MYO15A: variants seen among roughly 807,000 people sequenced by gnomAD.
The protein encoded by MYO15A is myosin XVA.
A neutral mutation model predicts 394.6 loss-of-function variants in MYO15A; 308 were observed. The ratio of observed to expected loss-of-function variants is 0.78; its 90% CI spans 0.71 to 0.86. The LOEUF (loss-of-function observed/expected upper bound fraction) is 0.86. MYO15A is among the 40% of genes least tolerant of loss of function. The probability of loss-of-function intolerance (pLI) is 0.00; values close to 1 mark genes in which losing one functional copy is unlikely to be tolerated. For synonymous variants in MYO15A, 1,957 were observed against 2,003.8 expected (o/e 0.98, Z 0.62); for missense variants, 4,606 against 4,799.1 (o/e 0.96, Z 1.19).
In MYO15A at chr17:18,173,815, A is replaced by G. The variant is rs750328728; in HGVS notation, c.10385A>G (p.Gln3462Arg). The change falls in exon 65 of 66, where the codon CAG (glutamine) becomes CGG (arginine). Residue 3462 changes from glutamine (Q) to arginine (R), a missense_variant. Coordinates refer to ENST00000647165, the MANE Select transcript of MYO15A (RefSeq NM_016239.4). ...GTGAAGTTCCCCCTGAAGGAGATCC[A>G]GTCGACGCGGACCCAGCGGCCCACG... Reference protein sequence around the residue: ...LMVKFPLKEIQSTRTQRPTAN... With the variant: ...LMVKFPLKEIRSTRTQRPTAN... 1.9e-6 allele frequency: 3 copies of G among 1,613,906 alleles called. No homozygotes were observed. In the African/African-American group the frequency reaches 4.0e-5, roughly 22 times the overall value.
rs749332616 is a variant in MYO15A at position 18,145,878 on chromosome 17, C to T, written c.6280C>T (p.Arg2094Cys). 13 of 1,613,160 alleles carry T rather than the reference C, an allele frequency of 8.1e-6. No homozygotes were observed. The highest frequency in any genetic ancestry group is 1.3e-5 in the African/African-American group (1 of 75,026). Residue 2094 changes from arginine (R) to cysteine (C), a missense_variant, in exon 30 of 66, where the codon CGC (arginine) becomes TGC (cysteine). Transcript: ENST00000647165. ...GACTCTGTTCGTGGCCCAGATCCTG[C>T]GCTTCATGGGCGACCCCCACCTGCA... The part of the protein sequence containing the change: ...EAVSIFKLIL[R>C]FMGDPHLHGA...
chr17:18,148,946 C>T lies in MYO15A; in HGVS notation c.6950C>T (p.Pro2317Leu). The change falls in exon 33 of 66, where the codon CCC (proline) becomes CTC (leucine). Residue 2317 changes from proline (P) to leucine (L), a missense_variant. Coordinates refer to ENST00000647165, the MANE Select transcript of MYO15A (RefSeq NM_016239.4). This position sits in a 1 kb window ranked among gnomAD's most constrained non-coding sequence, Gnocchi z 4.8. ...TEGPAASRGG[P>L]KVVFGNSWDS... ...GGGCCTGCAGCCAGCAGGGGAGGCC[C>T]CAAAGTGTAGGTAGCTATGGGGGAC... is the stretch of plus-strand genomic sequence containing the variant. The T allele has an allele frequency of 6.3e-7, 1 of 1,595,542 alleles. No homozygotes were observed. Among genetic ancestry groups the T allele is most frequent in the Non-Finnish European group, 8.5e-7 (1 of 1,171,190 alleles).
intron 40 of MYO15A, 134 bp from the exon 41 acceptor site, chr17:18,151,712 G>C: frequency 8.6e-7 from 1 of 1,163,956 alleles, no homozygotes; most frequent in Non-Finnish European, 1.3e-6. Flanking sequence ...CTTCAGGCCA[G>C]TCTCTGCTTC....
intron 65 of MYO15A, 114 bp from the exon 66 acceptor site, chr17:18,178,655 C>A: frequency 2.0e-6 from 2 of 1,024,200 alleles, no homozygotes; most frequent in Non-Finnish European, 3.0e-6. Flanking sequence ...AGGGTCCCTG[C>A]ATGAATGATG....
At position 18,176,285 on chromosome 17, in the gene MYO15A, G is replaced by A. The variant is rs558220605; in HGVS notation, c.10491+2364G>A. Among the ~76,000 whole-genome samples, 47 of 152,246 alleles carry A rather than the reference G, an allele frequency of 3.1e-4. 1 individual carries two copies. Among genetic ancestry groups the A allele is most frequent in the Middle Eastern group, 6.8e-3 (2 of 294 alleles). ...TGGCACCAGCATCTGCTTGGCTTCT[G>A]TGGAGGCCTCACGAAGCTTTTACTC... On this transcript the variant is annotated intron_variant, in intron 65 of 65. Coordinates refer to ENST00000647165, the MANE Select transcript of MYO15A (RefSeq NM_016239.4).
chr17:18,131,350 G>T lies in MYO15A; in HGVS notation c.4142+8G>T. 1 of 1,613,984 alleles carries T rather than the reference G, an allele frequency of 6.2e-7. No homozygotes were observed. Among genetic ancestry groups the T allele is most frequent in the Non-Finnish European group, 8.5e-7 (1 of 1,179,884 alleles). ...GGAAATCTTTCTGGAAGGGTGAGTT[G>T]GGACAGTGGAGGGCCTCCCAAAAGC... On this transcript the variant is annotated splice_region_variant and intron_variant, in intron 9 of 65. Coordinates refer to ENST00000647165, the MANE Select transcript of MYO15A (RefSeq NM_016239.4).
Position 18,162,573 on chromosome 17 carries a change from C to T in MYO15A, c.9518-12C>T, listed in dbSNP as rs766762275. Reference sequence around the variant, plus strand: ...CCACCTTGGGCGAGGCCTGAACTCCCTGCTTCTGCAGGGATCGCCAAGGCC... The same window carrying T: ...CCACCTTGGGCGAGGCCTGAACTCCTTGCTTCTGCAGGGATCGCCAAGGCC... On this transcript the variant is annotated splice_polypyrimidine_tract_variant and intron_variant, in intron 57 of 65. Transcript: ENST00000647165. The T allele has an allele frequency of 3.7e-6, 6 of 1,613,278 alleles. No homozygotes were observed. The highest frequency in any genetic ancestry group is 5.1e-6 in the Non-Finnish European group (6 of 1,179,736).
chr17:18,162,491 A>G, intron 57 of MYO15A, 94 bp from the exon 58 acceptor site: 1 of 1,093,814 alleles, frequency 9.1e-7, no homozygotes, highest in East Asian at 2.5e-5. Flanking sequence ...GCTTGTGGAG[A>G]GAATGCAGTG....
At chr17:18,176,548 T>TC (rs1398603000) in intron 65 of MYO15A, 9 of 145,308 alleles carry the variant, frequency 6.2e-5, no homozygotes, top group African/African-American at 2.3e-4. Flanking sequence ...TTTCTTTTTT[T>TC]TTTTTTTTTT....
intron 62 of MYO15A, among the ~76,000 whole-genome samples, 197 bp from the exon 63 acceptor site, chr17:18,171,441 C>T (rs745816123): frequency 1.3e-4 from 20 of 152,226 alleles, no homozygotes; most frequent in Non-Finnish European, 2.2e-4. Flanking sequence ...CCTAGCAGTA[C>T]TGGCCCCGGC....
At position 18,137,750 on chromosome 17, in the gene MYO15A, G is replaced by T. The variant is rs370168666; in HGVS notation, c.4875+71G>T. ...GTGGACCTCCTTGGAGACAGATGAG[G>T]ATATACTGGTTGTTTAAGGGCAATT... is the stretch of plus-strand genomic sequence containing the variant. On this transcript the variant is annotated intron_variant, in intron 16 of 65. Coordinates refer to ENST00000647165, the MANE Select transcript of MYO15A (RefSeq NM_016239.4). 6 of 1,508,976 alleles carry T rather than the reference G, an allele frequency of 4.0e-6. No individual in the cohort carries two copies. The East Asian group carries it at 6.8e-5, about 17-fold the overall frequency. 93.5% of individuals were successfully genotyped at this position (1,508,976 alleles called of 1,614,324 possible). A position where few individuals can be genotyped will look rare whatever the true frequency, so the allele number is the denominator to read the frequency against.
rs888665281 is a variant in MYO15A, at chr17:18,119,565, G to A, written c.765G>A (p.Glu255=). The stretch of plus-strand genomic sequence containing the variant: ...ACCGGCAGTCACTCCACCGCTACGA[G>A]GAGCAGGAACCCTACCTGGCGGGCC... ...YYDRQSLHRY[E]EQEPYLAGLG... Residue 255 remains glutamate (E), a synonymous_variant, in exon 2 of 66, where the codon GAG becomes GAA. Transcript: ENST00000647165. The A allele has an allele frequency of 1.6e-5, 26 of 1,606,816 alleles. No individual in the cohort carries two copies. The highest frequency in any genetic ancestry group is 2.2e-5 in the Non-Finnish European group (26 of 1,179,952).
In MYO15A at chr17:18,133,266, C is replaced by T. The variant is rs1597781030; in HGVS notation, c.4362C>T (p.Asp1454=). The T allele has an allele frequency of 3.7e-6, 6 of 1,614,188 alleles. No individual in the cohort carries two copies. The highest frequency in any genetic ancestry group is 5.1e-6 in the Non-Finnish European group (6 of 1,180,030). ...TAGCAGGAAAGAGCGATGCAGATGA[C>T]TTTCGCCGGCTCCTGGCTGCCATGG... ...CEIAGKSDAD[D]FRRLLAAMEV... The change falls in exon 12 of 66, where the codon GAC becomes GAT. Residue 1454 remains aspartate (D), a synonymous_variant. Coordinates refer to ENST00000647165, the MANE Select transcript of MYO15A (RefSeq NM_016239.4).
chr17:18,144,412 G>A, intron 28 of MYO15A, 85 bp from the exon 29 acceptor site: 1 of 1,256,282 alleles, frequency 8.0e-7, no homozygotes, highest in Non-Finnish European at 1.2e-6. Flanking sequence ...CATAGGCCTT[G>A]GAGCCCCATG....
rs768464340 is a variant in MYO15A, at chr17:18,119,541, C to A, written c.741C>A (p.Asp247Glu). 3 of 1,608,800 alleles carry A rather than the reference C, an allele frequency of 1.9e-6. No homozygotes were observed. The African/African-American group carries it at 4.0e-5, about 21-fold the overall frequency. The change falls in exon 2 of 66, where the codon GAC (aspartate) becomes GAA (glutamate). Residue 247 changes from aspartate (D) to glutamate (E), a missense_variant. Coordinates refer to ENST00000647165, the MANE Select transcript of MYO15A (RefSeq NM_016239.4). The stretch of plus-strand genomic sequence containing the variant: ...ACCGCGACGGCGACGACTACTACGA[C>A]CGGCAGTCACTCCACCGCTACGAGG... Reference protein sequence around the residue: ...DYHRDGDDYYDRQSLHRYEEQ... With the variant: ...DYHRDGDDYYERQSLHRYEEQ...
intron 15 of MYO15A, 61 bp from the exon 16 acceptor site, chr17:18,137,522 TA>T: frequency 2.7e-6 from 4 of 1,503,834 alleles, no homozygotes; most frequent in African/African-American, 1.4e-5. Flanking sequence ...CCAGGGAAGG[TA>T]GGGGCAAACA....
In MYO15A at chr17:18,120,790, C is replaced by A. The variant is rs1252529896; in HGVS notation, c.1990C>A (p.Pro664Thr). ...CCACTGGAGCGCGCTCCTGTCTCCGCCCGTGCCCCCGCGGCCCCCAAGCTC... is the reference window on the plus strand; with the variant it reads ...CCACTGGAGCGCGCTCCTGTCTCCGACCGTGCCCCCGCGGCCCCCAAGCTC... ...LSHWSALLSPPVPPRPPSSGP... is the reference protein window; with the variant it reads ...LSHWSALLSPTVPPRPPSSGP... Residue 664 changes from proline to threonine, a missense_variant, in exon 2 of 66, where the codon CCC becomes ACC. By Grantham distance (38) the Pro-to-Thr change is conservative (BLOSUM62 -1). Transcript: ENST00000647165. The A allele has an allele frequency of 7.5e-7, 1 of 1,339,070 alleles. No individual in the cohort carries two copies. Among genetic ancestry groups the A allele is most frequent in the Admixed American group, 3.7e-5 (1 of 26,706 alleles). 82.9% of individuals were successfully genotyped at this position (1,339,070 alleles called of 1,614,324 possible).
In MYO15A at chr17:18,178,971, AGAGCC is replaced by A; in HGVS notation, c.*102_*106del. 2 of 1,180,110 alleles carry A rather than the reference AGAGCC, an allele frequency of 1.7e-6. No homozygotes were observed. The highest frequency in any genetic ancestry group is 2.4e-6 in the Non-Finnish European group (2 of 817,818). The allele number at this position is 1,180,110 out of a possible 1,614,324, so 73.1% of individuals were successfully genotyped here. On this transcript the variant is annotated 3_prime_UTR_variant, in exon 66 of 66. Transcript: ENST00000647165. The stretch of plus-strand genomic sequence containing the variant: ...GGATCAATGACCCCTGTAAGGGGCC[AGAGCC>A]TTGGAGGACACTAAGAGGAGGCAGG...
rs1345958456 is a variant in MYO15A at position 18,158,527 on chromosome 17, C to T, written c.8972C>T (p.Pro2991Leu). 1.1e-5 allele frequency: 17 copies of T among 1,613,938 alleles called. No homozygotes were observed. The highest frequency in any genetic ancestry group is 1.7e-5 in the Admixed American group (1 of 59,994). The change falls in exon 52 of 66, where the codon CCC (proline) becomes CTC (leucine). Residue 2991 changes from proline to leucine, a missense_variant. Pro to Leu is a moderately conservative substitution (Grantham distance 98). Coordinates refer to ENST00000647165, the MANE Select transcript of MYO15A (RefSeq NM_016239.4). ...AQEVGRRREG[P>L]PVRARSADHG... ...CTAGCTCCGCCTCTTCTGCAGGGTC[C>T]CCCAGTCAGGGCCCGCTCTGCTGAC...
Sources: allele counts gnomAD v4.1 joint callset (sites outside exome capture counted in the v4.1 genomes callset), GRCh38; gene constraint gnomAD v4.1.1; non-coding constraint Gnocchi (gnomAD v3.1); transcripts MANE v1.5; gene names NCBI Gene and HGNC (gene_info 2026-07-23, HGNC 2026-07-21).